Variants in IPCEF1 observed in about 807,000 individuals in gnomAD.
IPCEF1 encodes interactor protein for cytohesin exchange factors 1.
A neutral mutation model predicts 50.9 loss-of-function variants in IPCEF1; 31 were observed. The ratio of observed to expected loss-of-function variants is 0.61; its 90% CI spans 0.46 to 0.82. The LOEUF (loss-of-function observed/expected upper bound fraction) is 0.82, where lower values mean the gene tolerates loss of function less well. Ranked by LOEUF, IPCEF1 falls within the 40% of genes least tolerant of loss-of-function variation. The pLI is 0.00. For synonymous variants in IPCEF1, 181 were observed against 192.0 expected, an observed-to-expected ratio of 0.94 and a Z score of 0.47; for missense variants, 458 against 514.0, an observed-to-expected ratio of 0.89 and a Z score of 1.05.
chr6:154,180,406 ATATATATAT>A (rs992318133), intron 10 of IPCEF1, among the ~76,000 whole-genome samples: 11 of 39,356 alleles, frequency 2.8e-4, no homozygotes, highest in African/African-American at 9.8e-4. Context: ...ATATATATAT[ATATATATAT>A]TTTTTTTTTA....
chr6:154,171,043 T>C lies in IPCEF1; in HGVS notation c.911-2930A>G, dbSNP rs551772961. Among the ~76,000 whole-genome samples, 3 of 152,206 alleles carry C rather than the reference T, an allele frequency of 2.0e-5. No individual in the cohort carries two copies. The East Asian group carries it at 5.8e-4, about 29-fold the overall frequency. ...ATGCCACCATGCTCAGCTAATTGAG[T>C]TGCCACTTTAGAAAATAGTTTGTCC... On this transcript the variant is annotated intron_variant, in intron 10 of 11. Coordinates refer to ENST00000367220, the MANE Select transcript of IPCEF1 (RefSeq NM_001130700.2).
At chr6:154,258,171 TTCTA>T (rs753772534) in intron 3 of IPCEF1, among the ~76,000 whole-genome samples, 2 of 152,202 alleles carry the variant, frequency 1.3e-5, no homozygotes, top group Non-Finnish European at 2.9e-5. Context: ...AGGTGGTTAG[TTCTA>T]ATACTAACTT....
At chr6:154,338,782 C>T (rs1783843088) in intron 1 of IPCEF1, among the ~76,000 whole-genome samples, 1 of 151,956 alleles carries the variant, frequency 6.6e-6, no homozygotes, top group African/African-American at 2.4e-5. Context: ...ATTAGCCAGG[C>T]ATGGTAAAGC....
At chr6:154,319,586 A>T (rs1411104911) in intron 1 of IPCEF1, among the ~76,000 whole-genome samples, 1 of 152,210 alleles carries the variant, frequency 6.6e-6, no homozygotes, top group Non-Finnish European at 1.5e-5. Context: ...TCTTGCTATC[A>T]ATCATTGCTT....
intron 3 of IPCEF1, among the ~76,000 whole-genome samples, chr6:154,249,637 C>T (rs183267375): frequency 5.3e-5 from 8 of 152,216 alleles, no homozygotes; most frequent in East Asian, 1.9e-4. Flanking sequence ...TGGAGGGCAG[C>T]GATGGGATCA....
At chr6:154,243,229 C>T (rs1016201961) in intron 5 of IPCEF1, among the ~76,000 whole-genome samples, 3 of 152,124 alleles carry the variant, frequency 2.0e-5, no homozygotes, top group Admixed American at 1.3e-4. Flanking sequence ...AGGAAGTGAA[C>T]GTGTACCTTC....
intron 5 of IPCEF1, among the ~76,000 whole-genome samples, chr6:154,229,148 T>G (rs182462293): frequency 4.1e-4 from 63 of 152,352 alleles, no homozygotes; most frequent in African/African-American, 1.4e-3. Flanking sequence ...TCTGGTTGTT[T>G]GTCTGCTTCT....
intron 2 of IPCEF1, among the ~76,000 whole-genome samples, chr6:154,288,454 G>A (rs1045468285): frequency 6.6e-6 from 1 of 151,064 alleles, no homozygotes; most frequent in African/African-American, 2.4e-5. Flanking sequence ...ACGAGGTCAG[G>A]AGATCGAGAC....
At chr6:154,344,909 A>C (rs73571076) in intron 1 of IPCEF1, among the ~76,000 whole-genome samples, 13,375 of 152,266 alleles carry the variant, frequency 0.088, 661 homozygotes, top group South Asian at 0.14. Flanking sequence ...TTTTGGAGAT[A>C]GGGTTTCACT....
chr6:154,173,916 C>T (rs538549384), intron 10 of IPCEF1, among the ~76,000 whole-genome samples: 2 of 152,220 alleles, frequency 1.3e-5, no homozygotes, highest in South Asian at 4.1e-4. Flanking sequence ...TAAGGGCAGT[C>T]AGAGAGAAAG....
At chr6:154,324,757 G>C (rs886180582) in intron 1 of IPCEF1, among the ~76,000 whole-genome samples, 1 of 152,136 alleles carries the variant, frequency 6.6e-6, no homozygotes, top group African/African-American at 2.4e-5. Flanking sequence ...GCAGTGAGCT[G>C]AGATCGCGCT....
intron 6 of IPCEF1, among the ~76,000 whole-genome samples, chr6:154,221,682 G>T (rs111425305): frequency 0.01 from 1,540 of 152,086 alleles, 7 homozygotes; most frequent in Middle Eastern, 0.021. Context: ...GACCATCCTG[G>T]CTAACATGGT....
In IPCEF1 at chr6:154,212,825, G is replaced by A; in HGVS notation, c.482C>T (p.Pro161Leu). ...GGGTGGTGTCTCCGCAGCTATTTCTGGATCTTCCTGTTCACTTTCACTGTA... is the reference window on the plus strand; with the variant it reads ...GGGTGGTGTCTCCGCAGCTATTTCTAGATCTTCCTGTTCACTTTCACTGTA... ...ECYSESEQED[P>L]EIAAETPPPP... The change falls in exon 9 of 12, where the codon CCA (proline) becomes CTA (leucine). Residue 161 changes from proline to leucine, a missense_variant. Coordinates refer to ENST00000367220, the MANE Select transcript of IPCEF1 (RefSeq NM_001130700.2). 1 of 1,613,372 alleles carries A rather than the reference G, an allele frequency of 6.2e-7. No individual in the cohort carries two copies. The highest frequency in any genetic ancestry group is 8.5e-7 in the Non-Finnish European group (1 of 1,179,340).
rs775586161 is a variant in IPCEF1 at position 154,154,628 on chromosome 6, T to G, written c.*5200A>C. On this transcript the variant is annotated 3_prime_UTR_variant, in exon 12 of 12. Coordinates refer to ENST00000367220, the MANE Select transcript of IPCEF1 (RefSeq NM_001130700.2). ...CAGCCATTAAACACTTCCAGCCACATGTTTATTTCTTTGAGAAAGCAACAC... is the reference window on the plus strand; with the variant it reads ...CAGCCATTAAACACTTCCAGCCACAGGTTTATTTCTTTGAGAAAGCAACAC... 1 of 152,264 alleles carries G rather than the reference T, an allele frequency of 6.6e-6. No homozygotes were observed. Among genetic ancestry groups the G allele is most frequent in the Non-Finnish European group, 1.5e-5 (1 of 68,038 alleles). The allele number at this position is 152,264 out of a possible 1,614,324, so 9.4% of individuals were successfully genotyped here.
Position 154,253,380 on chromosome 6 carries a change from C to T in IPCEF1, c.37-5892G>A, listed in dbSNP as rs563247535. 1.3e-3 allele frequency among the ~76,000 whole-genome samples: 194 copies of T among 152,180 alleles called. 1 individual carries two copies. The highest frequency in any genetic ancestry group is 2.4e-3 in the Non-Finnish European group (165 of 68,028). On this transcript the variant is annotated intron_variant, in intron 3 of 11. Transcript: ENST00000367220. ...ATCTATAAATAATATTTTAACAAAA[C>T]TAGAAGTAATAACATTAATGCAGAC...
chr6:154,198,631 T>TACACACACACACACAC (rs3070838), intron 10 of IPCEF1, among the ~76,000 whole-genome samples: 50 of 146,800 alleles, frequency 3.4e-4, no homozygotes, highest in Admixed American at 7.6e-4. Flanking sequence ...AAATATTACA[T>TACACACACACACACAC]ACACACACAC....
intron 5 of IPCEF1, among the ~76,000 whole-genome samples, chr6:154,238,626 CTTT>C (rs1175550856): frequency 6.6e-6 from 1 of 152,094 alleles, no homozygotes; most frequent in African/African-American, 2.4e-5. Flanking sequence ...TGTCTGTCTT[CTTT>C]TTTTATTTCG....
intron 1 of IPCEF1, among the ~76,000 whole-genome samples, chr6:154,322,601 G>T (rs1419106076): frequency 6.6e-6 from 1 of 152,098 alleles, no homozygotes; most frequent in African/African-American, 2.4e-5. Context: ...ACTTTGGGAG[G>T]CCGAGGGAGG....
chr6:154,250,728 T>A (rs1394898160), intron 3 of IPCEF1, among the ~76,000 whole-genome samples: 1 of 152,248 alleles, frequency 6.6e-6, no homozygotes, highest in Non-Finnish European at 1.5e-5. Context: ...TACCCCAAGA[T>A]GTATTAAAAT....
Sources: gnomAD v4.1 joint callset for allele counts (sites outside exome capture counted in the v4.1 genomes callset) on GRCh38, gnomAD v4.1.1 for gene constraint, MANE v1.5 for transcripts, NCBI Gene and HGNC (gene_info 2026-07-23, HGNC 2026-07-21) for gene names.